MGAT5: variants seen among roughly 807,000 people sequenced by gnomAD.
MGAT5 encodes the protein alpha-1,6-mannosylglycoprotein 6-beta-N-acetylglucosaminyltransferase, also known as alpha-1,6-mannosylglycoprotein 6-beta-N-acetylglucosaminyltransferase A.
MGAT5 carries 30 observed loss-of-function variants against 94.3 expected under a neutral mutation model. That is an observed-to-expected ratio of 0.32 (90% CI 0.24 to 0.43). MGAT5 has a LOEUF of 0.43. MGAT5 is among the 20% of genes least tolerant of loss of function. The probability of loss-of-function intolerance (pLI) is 1.00; values close to 1 mark genes in which losing one functional copy is unlikely to be tolerated. For synonymous variants in MGAT5, 310 were observed against 322.9 expected (o/e 0.96, Z 0.43); for missense variants, 691 against 905.5 (o/e 0.76, Z 3.04).
intron 1 of MGAT5, among the ~76,000 whole-genome samples, chr2:134,152,348 A>T (rs183337710): frequency 0.025 from 2,869 of 115,490 alleles, 219 homozygotes; most frequent in African/African-American, 0.085. Flanking sequence ...CCGCCATGGG[A>T]CCTCACTCAC....
intron 2 of MGAT5, among the ~76,000 whole-genome samples, chr2:134,315,122 T>A (rs1686922823): frequency 6.6e-6 from 1 of 152,238 alleles, no homozygotes; most frequent in African/African-American, 2.4e-5. Context: ...TTGCAGGCCT[T>A]CATGCACCTG....
chr2:134,177,676 A>C (rs2105152605), intron 1 of MGAT5, among the ~76,000 whole-genome samples: 1 of 152,348 alleles, frequency 6.6e-6, no homozygotes, highest in East Asian at 1.9e-4. Flanking sequence ...ATGGTCAGGC[A>C]TGAAATTTTT....
chr2:134,347,099 G>A (rs1482461874), intron 8 of MGAT5, among the ~76,000 whole-genome samples: 1 of 152,094 alleles, frequency 6.6e-6, no homozygotes, highest in Non-Finnish European at 1.5e-5. Context: ...ACATTAGAGG[G>A]AAGACATAAA....
At chr2:134,421,491 A>G (rs1684289600) in intron 12 of MGAT5, among the ~76,000 whole-genome samples, 1 of 152,112 alleles carries the variant, frequency 6.6e-6, no homozygotes, top group African/African-American at 2.4e-5. Flanking sequence ...AGGCTGAAGC[A>G]GGAGAATTGC....
At position 134,362,416 on chromosome 2, in the gene MGAT5, A is replaced by C. The variant is rs754046708; in HGVS notation, c.1380+8A>C. 6.2e-7 allele frequency: 1 copy of C among 1,613,626 alleles called. No homozygotes were observed. Among genetic ancestry groups the C allele is most frequent in the South Asian group, 1.1e-5 (1 of 90,984 alleles). ...GTGGATAGCTTCTGGAAGGTGAGTC[A>C]GTCTGTGCGTGTCTCTCTCTCTGAA... On this transcript the variant is annotated splice_region_variant and intron_variant, in intron 10 of 15. Transcript: ENST00000281923.
chr2:134,430,025 G>C (rs1226443969), intron 14 of MGAT5, among the ~76,000 whole-genome samples: 1 of 152,208 alleles, frequency 6.6e-6, no homozygotes, highest in Non-Finnish European at 1.5e-5. Flanking sequence ...GAGACAGAAG[G>C]TGTCCAGAGC....
chr2:134,397,742 G>A (rs954483023), intron 10 of MGAT5, among the ~76,000 whole-genome samples: 4 of 152,158 alleles, frequency 2.6e-5, no homozygotes, highest in East Asian at 1.9e-4. Flanking sequence ...CCTAAGGAGC[G>A]TGCCACTGTT....
chr2:134,326,642 T>G (rs1687663895), intron 4 of MGAT5, among the ~76,000 whole-genome samples: 1 of 152,054 alleles, frequency 6.6e-6, no homozygotes, highest in Non-Finnish European at 1.5e-5. Flanking sequence ...GATGTAACAA[T>G]GAATAAACAC....
chr2:134,140,007 A>G (rs961618169), intron 1 of MGAT5, among the ~76,000 whole-genome samples: 2 of 152,240 alleles, frequency 1.3e-5, no homozygotes, highest in Admixed American at 1.3e-4. Context: ...ATCCTAAAGT[A>G]GGTAAAGTGA....
At chr2:134,351,769 CCAGTAACATCATA>C (rs2106057748) in intron 9 of MGAT5, among the ~76,000 whole-genome samples, 1 of 152,220 alleles carries the variant, frequency 6.6e-6, no homozygotes, top group Non-Finnish European at 1.5e-5. Context: ...AAAACAACAA[CCAGTAACATCATA>C]AGCAAATCAT....
chr2:134,154,593 T>A (rs1206593002), intron 1 of MGAT5, among the ~76,000 whole-genome samples: 1 of 152,022 alleles, frequency 6.6e-6, no homozygotes, highest in Non-Finnish European at 1.5e-5. Flanking sequence ...GTGGTAAGCC[T>A]CCATTATCTA....
intron 1 of MGAT5, among the ~76,000 whole-genome samples, chr2:134,246,039 A>T (rs1682240191): frequency 6.6e-6 from 1 of 152,164 alleles, no homozygotes; most frequent in Admixed American, 6.5e-5. Flanking sequence ...TTCAAAGAGT[A>T]TTCCCAAGAT....
chr2:134,426,725 A>G (rs1023219475), intron 13 of MGAT5, among the ~76,000 whole-genome samples: 2 of 150,740 alleles, frequency 1.3e-5, no homozygotes, highest in Admixed American at 1.3e-4. Context: ...AAGAAAAGAA[A>G]AAATTTTACA....
chr2:134,385,202 T>A (rs1390545411), intron 10 of MGAT5, among the ~76,000 whole-genome samples: 1 of 152,248 alleles, frequency 6.6e-6, no homozygotes, highest in Non-Finnish European at 1.5e-5. Context: ...CATTTCCTAC[T>A]TATCCTTCGT....
Position 134,275,576 on chromosome 2 carries a change from TC to T in MGAT5, c.406+5028del, listed in dbSNP as rs1229456226. ...TTTTCACAAATGAAGAGGTGCTATT[TC>T]CTTTTTTTTTTTTTTTTTTTTTTTT... On this transcript the variant is annotated intron_variant, in intron 2 of 15. Transcript: ENST00000281923. 6.3e-4 allele frequency among the ~76,000 whole-genome samples: 90 copies of T among 142,302 alleles called. 2 individuals carry two copies. The highest frequency in any genetic ancestry group is 2.3e-3 in the African/African-American group (84 of 35,880). The allele number at this position is 142,302 out of a possible 152,430, so 93.4% of individuals were successfully genotyped here. A position where few individuals can be genotyped will look rare whatever the true frequency, so the allele number is the denominator to read the frequency against.
rs1221722320 is a variant in MGAT5, at chr2:134,189,604, T to TTTGTTTTGTTTTG, written c.-142-64656_-142-64655insGTTTTGTTTTGTT. ...CCTCATGGCTCTAGTTTTTTTTTGT[T>TTTGTTTTGTTTTG]TTTTTTTTTTTTTTTTAAGACAGAG... On this transcript the variant is annotated intron_variant, in intron 1 of 16. Transcript: ENST00000409645. Among the ~76,000 whole-genome samples, 758 of 105,794 alleles carry TTTGTTTTGTTTTG rather than the reference T, an allele frequency of 7.2e-3. 22 individuals carry two copies. The highest frequency in any genetic ancestry group is 0.028 in the African/African-American group (623 of 22,284). 69.4% of individuals were successfully genotyped at this position (105,794 alleles called of 152,430 possible).
chr2:134,260,422 T>C (rs1683249997), intron 1 of MGAT5, among the ~76,000 whole-genome samples: 1 of 152,186 alleles, frequency 6.6e-6, no homozygotes, highest in South Asian at 2.1e-4. Context: ...GTCTAAGATG[T>C]TAATACCATT....
At chr2:134,295,163 TG>T (rs1685600080) in intron 2 of MGAT5, among the ~76,000 whole-genome samples, 1 of 152,250 alleles carries the variant, frequency 6.6e-6, no homozygotes, top group Non-Finnish European at 1.5e-5. Flanking sequence ...ATAGTTTAGA[TG>T]TTCCTTATGT....
chr2:134,331,573 G>A (rs544340596), intron 4 of MGAT5, among the ~76,000 whole-genome samples: 40 of 152,198 alleles, frequency 2.6e-4, no homozygotes, highest in Non-Finnish European at 5.3e-4. Context: ...CTTGAGGGAG[G>A]TCTTTCCCAG....
Sources: allele counts gnomAD v4.1 joint callset (sites outside exome capture counted in the v4.1 genomes callset), GRCh38; gene constraint gnomAD v4.1.1; transcripts MANE v1.5; gene names NCBI Gene and HGNC (gene_info 2026-07-23, HGNC 2026-07-21).